DLGAP2: variants seen among roughly 807,000 people sequenced by gnomAD.
DLGAP2 encodes the protein DLG associated protein 2.
DLGAP2 carries 26 observed loss-of-function variants against 100.3 expected under a neutral mutation model. The ratio of observed to expected loss-of-function variants is 0.26; its 90% CI spans 0.19 to 0.36. DLGAP2 has a LOEUF of 0.36. Among genes scored for constraint, DLGAP2 ranks in the 10% least tolerant of loss-of-function variants. The pLI is 1.00. For synonymous variants in DLGAP2, 886 were observed against 630.1 expected (o/e 1.41, Z -6.08); for missense variants, 1,858 against 1,453.2 (o/e 1.28, Z -4.53).
Position 1,634,224 on chromosome 8 carries a change from T to C in DLGAP2, c.1810+1178T>C, listed in dbSNP as rs138739411. Among the ~76,000 whole-genome samples the C allele has an allele frequency of 3.3e-5, 5 of 152,346 alleles. No individual in the cohort carries two copies. The East Asian group carries it at 9.6e-4, about 29-fold the overall frequency. On this transcript the variant is annotated intron_variant, in intron 8 of 14. Coordinates refer to ENST00000637795, the MANE Select transcript of DLGAP2 (RefSeq NM_001346810.2). ...TGTAGCCATAGATAATTTATTTGCA[T>C]AAATTTAAAGATTATTTTTCAAAGA...
At chr8:882,917 C>T (rs1373196695) in intron 1 of DLGAP2, among the ~76,000 whole-genome samples, 2 of 152,244 alleles carry the variant, frequency 1.3e-5, no homozygotes, top group African/African-American at 2.4e-5. Flanking sequence ...ATCTCTGCAT[C>T]GGTCTGGGCA....
chr8:1,126,039 C>G (rs1199261938), intron 2 of DLGAP2, among the ~76,000 whole-genome samples: 1 of 152,224 alleles, frequency 6.6e-6, no homozygotes, highest in Non-Finnish European at 1.5e-5. Context: ...GTTTGTGTAT[C>G]CCCTGCCATG....
intron 2 of DLGAP2, among the ~76,000 whole-genome samples, chr8:989,293 C>T (rs978480504): frequency 6.6e-6 from 1 of 152,180 alleles, no homozygotes; most frequent in Non-Finnish European, 1.5e-5. Flanking sequence ...ACATCCTAAC[C>T]TCCTCTCCAT....
chr8:1,388,682 T>C (rs1796276730), intron 3 of DLGAP2, among the ~76,000 whole-genome samples: 1 of 83,384 alleles, frequency 1.2e-5, no homozygotes, highest in African/African-American at 4.3e-5. Context: ...AGGCGCTGGT[T>C]CAGGTGTCAG....
intron 2 of DLGAP2, among the ~76,000 whole-genome samples, chr8:931,671 C>T (rs1798961783): frequency 6.6e-6 from 1 of 152,146 alleles, no homozygotes; most frequent in Admixed American, 6.5e-5. Context: ...TGATTAAAGC[C>T]CTTCCCGTCG....
rs779256141 is a variant in DLGAP2, at chr8:1,632,856, C to G, written c.1620C>G (p.Phe540Leu). 2.1e-5 allele frequency: 34 copies of G among 1,612,928 alleles called. 1 individual carries two copies. In the South Asian group the frequency reaches 3.5e-4, roughly 17 times the overall value. The change falls in exon 8 of 15, where the codon TTC becomes TTG. Residue 540 changes from phenylalanine (F) to leucine (L), a missense_variant. Coordinates refer to ENST00000637795, the MANE Select transcript of DLGAP2 (RefSeq NM_001346810.2). ...QVSEAEINGQ[F>L]ESVCESVFSE... ...GCGAGGCGGAGATCAATGGGCAATTCGAGTCCGTGTGCGAGTCCGTCTTCA... is the reference window on the plus strand; with the variant it reads ...GCGAGGCGGAGATCAATGGGCAATTGGAGTCCGTGTGCGAGTCCGTCTTCA...
chr8:995,050 T>C (rs1800748106), intron 2 of DLGAP2, among the ~76,000 whole-genome samples: 1 of 152,154 alleles, frequency 6.6e-6, no homozygotes, highest in Non-Finnish European at 1.5e-5. Context: ...AGGTTAACAG[T>C]CTCAGAGTCC....
intron 3 of DLGAP2, 124 bp downstream of exon 3, chr8:1,259,007 G>A (rs1799287723): frequency 1.2e-6 from 1 of 818,762 alleles, no homozygotes; most frequent in Non-Finnish European, 1.6e-6. Context: ...CAGTCTGTGT[G>A]CTGTTTGATA....
At chr8:1,464,946 C>T (rs184691832) in intron 3 of DLGAP2, among the ~76,000 whole-genome samples, 2 of 152,302 alleles carry the variant, frequency 1.3e-5, no homozygotes, top group Admixed American at 1.3e-4. Context: ...TGAGGGAAAA[C>T]ACACCACAGT....
At chr8:1,201,265 A>G (rs547725863) in intron 2 of DLGAP2, among the ~76,000 whole-genome samples, 305 of 152,294 alleles carry the variant, frequency 2.0e-3, no homozygotes, top group Non-Finnish European at 3.5e-3. Context: ...GCAGGTCCCA[A>G]CCACAGAGCC....
intron 2 of DLGAP2, among the ~76,000 whole-genome samples, chr8:951,383 T>G (rs1239365207): frequency 6.6e-6 from 1 of 152,170 alleles, no homozygotes; most frequent in African/African-American, 2.4e-5. Context: ...TAGCCAGGAT[T>G]ACAGGCACCT....
At chr8:1,416,042 G>C (rs561274960) in intron 3 of DLGAP2, among the ~76,000 whole-genome samples, 3 of 152,182 alleles carry the variant, frequency 2.0e-5, no homozygotes, top group Non-Finnish European at 4.4e-5. Context: ...GGTGGAAAAT[G>C]CAAAATTATT....
chr8:1,419,548 T>C (rs1797034602), intron 3 of DLGAP2, among the ~76,000 whole-genome samples: 1 of 152,194 alleles, frequency 6.6e-6, no homozygotes, highest in South Asian at 2.1e-4. Flanking sequence ...GTGGATCTTG[T>C]GTTACATGTT....
intron 2 of DLGAP2, among the ~76,000 whole-genome samples, chr8:1,130,553 C>T (rs891387356): frequency 7.2e-5 from 11 of 152,128 alleles, no homozygotes; most frequent in East Asian, 1.9e-4. Context: ...AAGCAGATGC[C>T]GCGTTTTCTG....
At chr8:1,276,075 T>C (rs1473607926) in intron 3 of DLGAP2, among the ~76,000 whole-genome samples, 1 of 141,458 alleles carries the variant, frequency 7.1e-6, no homozygotes, top group Non-Finnish European at 1.5e-5. Context: ...AAATATATAA[T>C]ATATAAATAA....
At chr8:1,331,058 A>G (rs1359716107) in intron 3 of DLGAP2, among the ~76,000 whole-genome samples, 3 of 152,136 alleles carry the variant, frequency 2.0e-5, no homozygotes, top group Non-Finnish European at 2.9e-5. Context: ...AGAGACTGCA[A>G]TGCCAGGGAG....
chr8:1,544,447 C>T (rs989247204), intron 4 of DLGAP2, among the ~76,000 whole-genome samples: 1 of 152,174 alleles, frequency 6.6e-6, no homozygotes, highest in African/African-American at 2.4e-5. Context: ...ATGATGTTAG[C>T]TGTGGGTTTC....
chr8:1,154,386 C>T (rs568179479), intron 2 of DLGAP2, among the ~76,000 whole-genome samples: 2 of 152,208 alleles, frequency 1.3e-5, no homozygotes, highest in South Asian at 2.1e-4. Flanking sequence ...TACATCGAGA[C>T]ACGATTTTAT....
intron 1 of DLGAP2, among the ~76,000 whole-genome samples, chr8:743,134 A>T (rs567368361): frequency 6.6e-6 from 1 of 152,340 alleles, no homozygotes; most frequent in East Asian, 1.9e-4. Context: ...TTTTGGACCC[A>T]ACTTAACCAC....
Sources: gnomAD v4.1 joint callset for allele counts (sites outside exome capture counted in the v4.1 genomes callset) on GRCh38, gnomAD v4.1.1 for gene constraint, MANE v1.5 for transcripts, NCBI Gene and HGNC (gene_info 2026-07-23, HGNC 2026-07-21) for gene names.